PDZD2: variants seen among roughly 807,000 people sequenced by gnomAD.
The protein encoded by PDZD2 is PDZ domain-containing protein 2.
Under a neutral mutation model 220.7 loss-of-function variants are expected in PDZD2, and 90 were observed. That is an observed-to-expected ratio of 0.41 (90% CI 0.34 to 0.49). The LOEUF (loss-of-function observed/expected upper bound fraction) is 0.49. Among genes scored for constraint, PDZD2 ranks in the 20% least tolerant of loss-of-function variants. PDZD2 has a pLI of 0.28. For missense variants in PDZD2, 3,174 were observed against 3,608.5 expected (o/e 0.88, Z 3.08); for synonymous variants, 1,375 against 1,450.5 (o/e 0.95, Z 1.18).
intron 2 of PDZD2, among the ~76,000 whole-genome samples, chr5:31,891,933 C>A (rs1414765422): frequency 6.6e-6 from 1 of 151,084 alleles, no homozygotes; most frequent in Non-Finnish European, 1.5e-5. Flanking sequence ...TGCGGGGGGA[C>A]AGGGTCTCAC....
intron 1 of PDZD2, among the ~76,000 whole-genome samples, chr5:31,716,072 T>C (rs1193764327): frequency 5.9e-5 from 9 of 152,182 alleles, no homozygotes; most frequent in African/African-American, 2.2e-4. Flanking sequence ...ACTGCCTATA[T>C]GTGAATTTGG....
intron 2 of PDZD2, among the ~76,000 whole-genome samples, chr5:31,801,845 G>A (rs902399920): frequency 2.0e-5 from 3 of 152,156 alleles, no homozygotes; most frequent in African/African-American, 7.2e-5. Context: ...AATGGAGAGT[G>A]TTTGGGAGGT....
intron 1 of PDZD2, among the ~76,000 whole-genome samples, chr5:31,755,532 G>A (rs1268571278): frequency 6.6e-6 from 1 of 151,652 alleles, no homozygotes; most frequent in Non-Finnish European, 1.5e-5. Flanking sequence ...AGTACGCTTT[G>A]TTCCTGGAGG....
Position 31,795,901 on chromosome 5 carries a change from A to G in PDZD2, c.-360-2988A>G, listed in dbSNP as rs180838168. 2.1e-3 allele frequency among the ~76,000 whole-genome samples: 325 copies of G among 152,274 alleles called. 1 individual carries two copies. The highest frequency in any genetic ancestry group is 3.9e-3 in the Non-Finnish European group (264 of 68,016). On this transcript the variant is annotated intron_variant, in intron 1 of 24. Transcript: ENST00000438447. ...GATTGAAAGGCTGTGTAGCCCATGG[A>G]CACCTAAGAATAAGACTAAGTGTCT...
intron 2 of PDZD2, among the ~76,000 whole-genome samples, chr5:31,850,440 A>G (rs1757989191): frequency 6.6e-6 from 1 of 151,566 alleles, no homozygotes; most frequent in Non-Finnish European, 1.5e-5. Flanking sequence ...TGATGGAATA[A>G]CAGTGGAACG....
intron 6 of PDZD2, among the ~76,000 whole-genome samples, chr5:32,016,530 A>G (rs990722076): frequency 6.6e-6 from 1 of 152,170 alleles, no homozygotes; most frequent in African/African-American, 2.4e-5. Context: ...TAATCCTGAA[A>G]GACACCAGCA....
At chr5:31,811,671 G>A (rs866321568) in intron 2 of PDZD2, among the ~76,000 whole-genome samples, 1 of 152,102 alleles carries the variant, frequency 6.6e-6, no homozygotes, top group South Asian at 2.1e-4. Flanking sequence ...CTATTATGGG[G>A]TCGAGGGGAG....
intron 2 of PDZD2, chr5:31,847,873 G>A (rs1036293540): frequency 2.0e-6 from 1 of 507,900 alleles, no homozygotes; most frequent in Non-Finnish European, 3.9e-6. Context: ...TCACGTGTCA[G>A]AATGTTGCAG....
chr5:32,039,223 G>A (rs1365994524), intron 7 of PDZD2, among the ~76,000 whole-genome samples: 6 of 149,632 alleles, frequency 4.0e-5, no homozygotes, highest in African/African-American at 1.2e-4. Flanking sequence ...CTTCTGCCTC[G>A]GCCTGCCGAG....
intron 15 of PDZD2, among the ~76,000 whole-genome samples, chr5:32,070,992 G>A (rs532959610): frequency 4.6e-5 from 7 of 152,218 alleles, no homozygotes; most frequent in Admixed American, 2.0e-4. Flanking sequence ...ATCCAGCTCC[G>A]TGGGGTCAGA....
intron 1 of PDZD2, among the ~76,000 whole-genome samples, chr5:31,670,719 C>A (rs1746184518): frequency 6.6e-6 from 1 of 152,104 alleles, no homozygotes. Flanking sequence ...CCGCGCCCGG[C>A]CAGTTTGCGT....
intron 1 of PDZD2, among the ~76,000 whole-genome samples, chr5:31,704,553 CT>C (rs1747735880): frequency 6.6e-6 from 1 of 152,200 alleles, no homozygotes; most frequent in Non-Finnish European, 1.5e-5. Flanking sequence ...AACTAGTGCT[CT>C]TTTCATCAAA....
At chr5:32,076,290 A>G (rs901738064) in intron 18 of PDZD2, among the ~76,000 whole-genome samples, 3 of 52,490 alleles carry the variant, frequency 5.7e-5, no homozygotes, top group Admixed American at 5.5e-4. Context: ...GGTCTCAAGA[A>G]AAAAAAAAAA....
chr5:31,783,888 C>T (rs1753210613), intron 1 of PDZD2, among the ~76,000 whole-genome samples: 2 of 152,126 alleles, frequency 1.3e-5, no homozygotes, highest in African/African-American at 4.8e-5. Flanking sequence ...GGATGAGAAC[C>T]TGCCTTCCAA....
At chr5:31,748,853 T>C (rs1284702358) in intron 1 of PDZD2, among the ~76,000 whole-genome samples, 1 of 152,222 alleles carries the variant, frequency 6.6e-6, no homozygotes, top group Admixed American at 6.5e-5. Context: ...TACCTGGGCA[T>C]TGCAATTCCA....
At chr5:31,784,691 G>A (rs527638921) in intron 1 of PDZD2, among the ~76,000 whole-genome samples, 1 of 123,376 alleles carries the variant, frequency 8.1e-6, no homozygotes, top group African/African-American at 2.9e-5. Context: ...GGTGGATCAC[G>A]AGGTCAGGAG....
intron 2 of PDZD2, among the ~76,000 whole-genome samples, chr5:31,973,937 C>T (rs1393105910): frequency 6.6e-6 from 1 of 152,176 alleles, no homozygotes; most frequent in Non-Finnish European, 1.5e-5. Context: ...GCAGGAGGAT[C>T]ACTTGAACCC....
intron 9 of PDZD2, among the ~76,000 whole-genome samples, chr5:32,053,408 C>T (rs1002474129): frequency 1.3e-5 from 2 of 152,210 alleles, no homozygotes. Flanking sequence ...AATGTGGCAC[C>T]TGCATGTAAG....
rs186475669 is a variant in PDZD2 at position 31,723,161 on chromosome 5, T to C, written c.-360-75728T>C. Among the ~76,000 whole-genome samples the C allele has an allele frequency of 2.2e-3, 332 of 152,368 alleles. 2 individuals are homozygous for C. Among genetic ancestry groups the C allele is most frequent in the Non-Finnish European group, 2.8e-3 (188 of 68,032 alleles). On this transcript the variant is annotated intron_variant, in intron 1 of 24. Coordinates refer to ENST00000438447, the MANE Select transcript of PDZD2 (RefSeq NM_178140.4). ...TACAAAGATTCTAGAGTCAATCCTTTAAACACATTCCGCAAACAGTATTTA... is the reference window on the plus strand; with the variant it reads ...TACAAAGATTCTAGAGTCAATCCTTCAAACACATTCCGCAAACAGTATTTA...
Sources: allele counts gnomAD v4.1 joint callset (sites outside exome capture counted in the v4.1 genomes callset), GRCh38; gene constraint gnomAD v4.1.1; transcripts MANE v1.5; gene names NCBI Gene and HGNC (gene_info 2026-07-23, HGNC 2026-07-21).